Variants in NUP37 observed in about 807,000 individuals in gnomAD.
NUP37 encodes nucleoporin 37, also known as nucleoporin Nup37.
NUP37 carries 33 observed loss-of-function variants against 45.4 expected under a neutral mutation model. The observed-to-expected ratio is 0.73, with a 90% CI of 0.55 to 0.97. The LOEUF (loss-of-function observed/expected upper bound fraction) is 0.97, where lower values mean the gene tolerates loss of function less well. Among genes scored for constraint, NUP37 ranks in the 50% least tolerant of loss-of-function variants. The pLI, the probability that NUP37 is intolerant of heterozygous loss-of-function variation, is 0.00. For synonymous variants in NUP37, 127 were observed against 130.7 expected, an observed-to-expected ratio of 0.97 and a Z score of 0.19; for missense variants, 365 against 389.7, an observed-to-expected ratio of 0.94 and a Z score of 0.53.
intron 3 of NUP37, among the ~76,000 whole-genome samples, 159 bp from the exon 4 acceptor site, chr12:102,101,263 T>G (rs1278295833): frequency 6.6e-6 from 1 of 152,192 alleles, no homozygotes; most frequent in Non-Finnish European, 1.5e-5. Context: ...GGCTCTACTG[T>G]AAAAAGTATT....
intron 2 of NUP37, chr12:102,115,906 A>T (rs1187014397): frequency 1.3e-5 from 6 of 465,540 alleles, no homozygotes; most frequent in Non-Finnish European, 1.7e-5. Context: ...GTTTAGCTAG[A>T]TAAAAAATAA....
Position 102,118,602 on chromosome 12 carries a change from G to T in NUP37, c.-65-19C>A. The T allele has an allele frequency of 8.1e-7, 1 of 1,229,350 alleles. No individual in the cohort carries two copies. The highest frequency in any genetic ancestry group is 1.1e-6 in the Non-Finnish European group (1 of 874,308). 76.2% of individuals were successfully genotyped at this position (1,229,350 alleles called of 1,614,324 possible). On this transcript the variant is annotated intron_variant, in intron 1 of 9. Coordinates refer to ENST00000552283, the MANE Select transcript of NUP37 (RefSeq NM_024057.4). ...CACGAAACTGTGGATTAGAGCACAG[G>T]TACAATTACAATGGTCAATATGTTA...
At chr12:102,075,741 C>CG (rs1212648747) in intron 8 of NUP37, among the ~76,000 whole-genome samples, 5 of 152,104 alleles carry the variant, frequency 3.3e-5, no homozygotes, top group Non-Finnish European at 7.4e-5. Flanking sequence ...GACAGCCATT[C>CG]TGCCCCTTTT....
chr12:102,113,567 AATC>A (rs572278695), intron 2 of NUP37, among the ~76,000 whole-genome samples: 17 of 152,324 alleles, frequency 1.1e-4, no homozygotes, highest in Admixed American at 3.9e-4. Flanking sequence ...AAAATAAGTA[AATC>A]ATCCTTCTGT....
chr12:102,115,008 A>C (rs1880423452), intron 2 of NUP37, among the ~76,000 whole-genome samples: 2 of 152,330 alleles, frequency 1.3e-5, no homozygotes, highest in East Asian at 3.9e-4. Flanking sequence ...AAGACACACT[A>C]AGCAGCAGAT....
At chr12:102,082,423 T>C (rs559003580) in intron 6 of NUP37, among the ~76,000 whole-genome samples, 2 of 152,342 alleles carry the variant, frequency 1.3e-5, no homozygotes, top group African/African-American at 4.8e-5. Context: ...TGAAAACGTA[T>C]GGCAGAGCAC....
At chr12:102,079,802 G>C (rs1419034699) in intron 6 of NUP37, among the ~76,000 whole-genome samples, 1 of 152,052 alleles carries the variant, frequency 6.6e-6, no homozygotes, top group Non-Finnish European at 1.5e-5. Flanking sequence ...AAACTGACGA[G>C]GAAAAGACAC....
intron 3 of NUP37, among the ~76,000 whole-genome samples, chr12:102,106,029 A>C (rs73384806): frequency 1.2e-3 from 178 of 152,278 alleles, no homozygotes; most frequent in African/African-American, 3.9e-3. Context: ...TTTAACAATG[A>C]ATGAACACAA....
intron 3 of NUP37, among the ~76,000 whole-genome samples, chr12:102,106,747 C>T (rs989099741): frequency 7.9e-5 from 12 of 152,124 alleles, no homozygotes; most frequent in Non-Finnish European, 1.2e-4. Context: ...CAACCAGGTC[C>T]GCTTTGTGGT....
intron 6 of NUP37, chr12:102,079,120 T>C: frequency 4.5e-6 from 2 of 445,208 alleles, no homozygotes; most frequent in South Asian, 3.2e-5. Context: ...AGGGTGTAAA[T>C]AGTAGTGGTA....
At chr12:102,115,885 T>C (rs1410923688) in intron 2 of NUP37, 35 of 616,996 alleles carry the variant, frequency 5.7e-5, no homozygotes, top group Non-Finnish European at 6.7e-5. Flanking sequence ...AGAATAGTAA[T>C]GTTTAACAGT....
intron 6 of NUP37, among the ~76,000 whole-genome samples, chr12:102,078,396 A>G (rs911250941): frequency 7.9e-5 from 12 of 152,202 alleles, no homozygotes; most frequent in Non-Finnish European, 1.3e-4. Context: ...TAAGAAGAAG[A>G]GATCAATTTA....
At chr12:102,114,124 A>T (rs1738575773) in intron 2 of NUP37, among the ~76,000 whole-genome samples, 1 of 152,244 alleles carries the variant, frequency 6.6e-6, no homozygotes, top group African/African-American at 2.4e-5. Context: ...CCAAGACAGC[A>T]GCCACTAAAC....
At chr12:102,117,513 C>T (rs988439918) in intron 2 of NUP37, among the ~76,000 whole-genome samples, 27 of 152,004 alleles carry the variant, frequency 1.8e-4, no homozygotes, top group Non-Finnish European at 2.2e-4. Context: ...GAGGGTTGAA[C>T]CTTCATTGTT....
intron 3 of NUP37, among the ~76,000 whole-genome samples, chr12:102,105,872 A>T (rs1356077740): frequency 3.3e-5 from 5 of 151,832 alleles, no homozygotes; most frequent in Admixed American, 2.6e-4. Flanking sequence ...AAAAAAAAAA[A>T]AAAAAAAAAG....
Position 102,112,157 on chromosome 12 carries a change from T to C in NUP37, c.232A>G (p.Ile78Val), listed in dbSNP as rs766845598. The C allele has an allele frequency of 2.5e-6, 4 of 1,613,990 alleles. No individual in the cohort carries two copies. The highest frequency in any genetic ancestry group is 2.2e-5 in the East Asian group (1 of 44,848). Reference protein sequence around the residue: ...TFHHGVRVDGIAWSPETRLDS... With the variant: ...TFHHGVRVDGVAWSPETRLDS... ...AGTCTAGTCTCTGGGCTCCAAGCTA[T>C]GCCATCAACCCTGACTCCATGGTGA... is the stretch of plus-strand genomic sequence containing the variant. Residue 78 changes from isoleucine (I) to valine (V), a missense_variant, in exon 3 of 10, where the codon ATA (isoleucine) becomes GTA (valine). By Grantham distance (29) the Ile-to-Val change is conservative (BLOSUM62 3). Transcript: ENST00000552283.
At position 102,073,185 on chromosome 12, in the gene NUP37, G is replaced by A. The variant is rs1326929189; in HGVS notation, c.*1169C>T. Reference sequence around the variant, plus strand: ...TCTGTACTTTACAAGAGGAAATGAAGCTTCAAAAAGGGCATTAACTTGCAG... The same window carrying A: ...TCTGTACTTTACAAGAGGAAATGAAACTTCAAAAAGGGCATTAACTTGCAG... On this transcript the variant is annotated 3_prime_UTR_variant, in exon 10 of 10. Transcript: ENST00000552283. The A allele has an allele frequency of 6.6e-6, 1 of 152,140 alleles. No individual in the cohort carries two copies. The highest frequency in any genetic ancestry group is 6.5e-5 in the Admixed American group (1 of 15,270). The allele number at this position is 152,140 out of a possible 1,614,324, so 9.4% of individuals were successfully genotyped here.
At chr12:102,112,332 T>C in intron 2 of NUP37, 100 bp from the exon 3 acceptor site, 1 of 982,000 alleles carries the variant, frequency 1.0e-6, no homozygotes, top group South Asian at 2.6e-5. Flanking sequence ...ATGCTTATGC[T>C]TTTGAAAAGT....
chr12:102,078,138 G>C (rs1284183833), intron 6 of NUP37, among the ~76,000 whole-genome samples: 1 of 151,208 alleles, frequency 6.6e-6, no homozygotes, highest in African/African-American at 2.4e-5. Flanking sequence ...GATCAGCCTG[G>C]CCAACATGGT....
Sources: gnomAD v4.1 joint callset for allele counts (sites outside exome capture counted in the v4.1 genomes callset) on GRCh38, gnomAD v4.1.1 for gene constraint, MANE v1.5 for transcripts, NCBI Gene and HGNC (gene_info 2026-07-23, HGNC 2026-07-21) for gene names.